The following ACTR3C variants were observed in gnomAD, a reference collection of about 807,000 sequenced individuals.
ACTR3C encodes the protein actin-related protein 3C.
ACTR3C carries 18 observed loss-of-function variants against 26.3 expected under a neutral mutation model. The ratio of observed to expected loss-of-function variants is 0.68; its 90% confidence interval spans 0.47 to 1.01. ACTR3C has a LOEUF of 1.01. Ranked by LOEUF, ACTR3C falls within the 50% of genes least tolerant of loss-of-function variation. The pLI is 0.00. For missense variants in ACTR3C, 184 were observed against 250.7 expected, an observed-to-expected ratio of 0.73 and a Z score of 1.80; for synonymous variants, 55 against 94.5, an observed-to-expected ratio of 0.58 and a Z score of 2.42.
chr7:149,978,678 A>G, the ACTR3C span, among the ~76,000 whole-genome samples: 1 of 151,538 alleles, frequency 6.6e-6, no homozygotes, highest in African/African-American at 2.4e-5. Flanking sequence ...TGCCTCTAGG[A>G]GGAGCTGTAG....
At chr7:150,269,670 CTCCCCAGGCA>C (rs1192965701) in intron 6 of ACTR3C, among the ~76,000 whole-genome samples, 1 of 108,534 alleles carries the variant, frequency 9.2e-6, no homozygotes, top group Admixed American at 8.8e-5. Flanking sequence ...AGCAGGGGCC[CTCCCCAGGCA>C]TCGTGGAATG....
At chr7:150,138,066 G>A in the ACTR3C span, among the ~76,000 whole-genome samples, 6 of 152,104 alleles carry the variant, frequency 3.9e-5, no homozygotes, top group Non-Finnish European at 7.4e-5. Context: ...CTGAGCATTG[G>A]GTCTCTGTGG....
the ACTR3C span, chr7:150,041,561 C>A: frequency 8.2e-4 from 149 of 182,690 alleles, no homozygotes; most frequent in East Asian, 0.018. Flanking sequence ...GTGCCTCCCC[C>A]CTCTGCGATG....
chr7:150,142,502 T>A, the ACTR3C span, among the ~76,000 whole-genome samples: 1 of 152,174 alleles, frequency 6.6e-6, no homozygotes, highest in African/African-American at 2.4e-5. Flanking sequence ...CAAGCCATTG[T>A]CTATTTTGTG....
the ACTR3C span, among the ~76,000 whole-genome samples, chr7:150,201,304 T>C: frequency 2.0e-5 from 3 of 152,304 alleles, no homozygotes; most frequent in South Asian, 4.1e-4. Flanking sequence ...ACACAATAGA[T>C]ACATACAGAG....
chr7:150,222,661 T>C, the ACTR3C span, among the ~76,000 whole-genome samples: 2 of 152,228 alleles, frequency 1.3e-5, no homozygotes, highest in Non-Finnish European at 2.9e-5. Context: ...GCAGTGGCCC[T>C]GAGAGGAGCT....
chr7:150,288,141 A>G (rs1388880661), intron 4 of ACTR3C, among the ~76,000 whole-genome samples: 2 of 142,006 alleles, frequency 1.4e-5, no homozygotes, highest in Non-Finnish European at 3.0e-5. Context: ...GAGCAGGGCC[A>G]GGGCAGCTGA....
the ACTR3C span, among the ~76,000 whole-genome samples, chr7:150,048,592 G>GAGGC: frequency 1.6e-3 from 246 of 151,898 alleles, 1 homozygote; most frequent in African/African-American, 5.4e-3. Context: ...TGCGGAGGTC[G>GAGGC]AGGCAGGCAG....
chr7:150,047,997 A>AC, the ACTR3C span: 1 of 1,193,026 alleles, frequency 8.4e-7, no homozygotes, highest in Non-Finnish European at 1.1e-6. Flanking sequence ...AGCGCCGGCG[A>AC]CCGCTCCTCC....
At chr7:150,155,544 C>T in the ACTR3C span, among the ~76,000 whole-genome samples, 2 of 151,876 alleles carry the variant, frequency 1.3e-5, no homozygotes, top group Non-Finnish European at 2.9e-5. Context: ...GTTTTGTGAC[C>T]TTAAGAGCAG....
the ACTR3C span, among the ~76,000 whole-genome samples, chr7:149,999,766 T>C: frequency 9.9e-5 from 15 of 151,034 alleles, no homozygotes; most frequent in African/African-American, 3.6e-4. Context: ...GCCAGGTCCA[T>C]CCCATCATCT....
the ACTR3C span, among the ~76,000 whole-genome samples, chr7:150,158,498 T>C: frequency 1.2e-3 from 181 of 152,276 alleles, no homozygotes; most frequent in Non-Finnish European, 1.9e-3. Context: ...AAATGAAATG[T>C]TATTCAGCTT....
At chr7:150,118,925 A>G in the ACTR3C span, among the ~76,000 whole-genome samples, 1 of 130,708 alleles carries the variant, frequency 7.7e-6, no homozygotes, top group South Asian at 2.3e-4. Context: ...AGTGGGGGCC[A>G]ATAGTCAACA....
chr7:150,198,003 C>T, the ACTR3C span, among the ~76,000 whole-genome samples: 1 of 151,332 alleles, frequency 6.6e-6, no homozygotes, highest in South Asian at 2.1e-4. Context: ...TGCAGGCATG[C>T]GCCGCCACGC....
the ACTR3C span, chr7:150,041,458 C>G: frequency 6.0e-6 from 1 of 167,764 alleles, no homozygotes; most frequent in Admixed American, 6.6e-5. Context: ...CCACAGTCCT[C>G]CAGGTGGGTC....
the ACTR3C span, among the ~76,000 whole-genome samples, chr7:150,204,718 T>G: frequency 6.9e-6 from 1 of 145,404 alleles, no homozygotes; most frequent in Non-Finnish European, 1.5e-5. Flanking sequence ...CCAGGGAGGA[T>G]TGACGAGTGC....
At chr7:150,297,026 C>G (rs1400339620) in intron 1 of ACTR3C, among the ~76,000 whole-genome samples, 11 of 152,328 alleles carry the variant, frequency 7.2e-5, no homozygotes, top group Admixed American at 1.3e-4. Flanking sequence ...GCTGTTTAAG[C>G]CACCCAACCT....
intron 6 of ACTR3C, among the ~76,000 whole-genome samples, chr7:150,261,715 T>TAAATAAATAAAG (rs1833652301): frequency 6.6e-6 from 1 of 152,214 alleles, no homozygotes; most frequent in African/African-American, 2.4e-5. Context: ...AATAAATAAA[T>TAAATAAATAAAG]AAATAAATAA....
chr7:150,087,829 T>C, the ACTR3C span, among the ~76,000 whole-genome samples: 7 of 152,192 alleles, frequency 4.6e-5, no homozygotes, highest in African/African-American at 1.7e-4. Context: ...AGATCCATAA[T>C]GTGCTACATT....
Sources: allele counts gnomAD v4.1 joint callset (sites outside exome capture counted in the v4.1 genomes callset), GRCh38; gene constraint gnomAD v4.1.1; transcripts MANE v1.5; gene names NCBI Gene and HGNC (gene_info 2026-07-23, HGNC 2026-07-21).